Variants in PDZD2 observed in about 807,000 individuals in gnomAD.
The protein encoded by PDZD2 is PDZ domain-containing protein 2.
A neutral mutation model predicts 220.7 loss-of-function variants in PDZD2; 90 were observed. The ratio of observed to expected loss-of-function variants is 0.41; its 90% CI spans 0.34 to 0.49. PDZD2 has a LOEUF of 0.49. Among genes scored for constraint, PDZD2 ranks in the 20% least tolerant of loss-of-function variants. The probability of loss-of-function intolerance (pLI) is 0.28; values close to 1 mark genes in which losing one functional copy is unlikely to be tolerated. For missense variants in PDZD2, 3,174 were observed against 3,608.5 expected (o/e 0.88, Z 3.08); for synonymous variants, 1,375 against 1,450.5 (o/e 0.95, Z 1.18).
At chr5:31,791,680 A>T (rs1429008360) in intron 1 of PDZD2, among the ~76,000 whole-genome samples, 2 of 151,974 alleles carry the variant, frequency 1.3e-5, no homozygotes, top group East Asian at 3.9e-4. Flanking sequence ...TAGCTCCACA[A>T]CCTCAGTCAA....
intron 2 of PDZD2, among the ~76,000 whole-genome samples, chr5:31,905,424 A>G (rs959616044): frequency 2.0e-5 from 3 of 152,130 alleles, no homozygotes; most frequent in East Asian, 1.9e-4. Context: ...TCTACCTGCA[A>G]CCTGAGGATG....
intron 1 of PDZD2, among the ~76,000 whole-genome samples, chr5:31,709,033 A>T (rs911731376): frequency 6.6e-6 from 1 of 151,808 alleles, no homozygotes; most frequent in Non-Finnish European, 1.5e-5. Context: ...GATTACAGGC[A>T]CGCACCACCA....
intron 2 of PDZD2, among the ~76,000 whole-genome samples, chr5:31,933,971 T>C (rs1745513040): frequency 6.6e-6 from 1 of 152,202 alleles, no homozygotes; most frequent in South Asian, 2.1e-4. Flanking sequence ...GTGGCTCGTT[T>C]TGTGAGTAAA....
chr5:32,104,329 G>A (rs764440878), intron 24 of PDZD2, among the ~76,000 whole-genome samples: 1 of 151,886 alleles, frequency 6.6e-6, no homozygotes, highest in Non-Finnish European at 1.5e-5. Context: ...TTTGAGTAAG[G>A]TTATTACAGA....
chr5:31,739,021 G>A (rs1004857164), intron 1 of PDZD2, among the ~76,000 whole-genome samples: 29 of 152,104 alleles, frequency 1.9e-4, no homozygotes, highest in African/African-American at 4.8e-5. Context: ...GAGTAGCTGG[G>A]ACTACAGGTG....
chr5:31,837,245 C>G (rs1468419188), intron 2 of PDZD2, among the ~76,000 whole-genome samples: 1 of 152,028 alleles, frequency 6.6e-6, no homozygotes, highest in Non-Finnish European at 1.5e-5. Context: ...GTGAACTAGT[C>G]TCATACACAC....
chr5:31,831,774 C>T (rs1014652679), intron 2 of PDZD2, among the ~76,000 whole-genome samples: 8 of 149,110 alleles, frequency 5.4e-5, no homozygotes, highest in South Asian at 2.1e-4. Context: ...ATTAGCTGGG[C>T]GTGGTGGCGC....
chr5:31,835,324 AGT>A (rs1330894333), intron 2 of PDZD2, among the ~76,000 whole-genome samples: 3 of 152,116 alleles, frequency 2.0e-5, no homozygotes. Flanking sequence ...TGTTTTCAAA[AGT>A]GTTTCTTTTA....
chr5:31,918,944 T>C (rs1252329566), intron 2 of PDZD2, among the ~76,000 whole-genome samples: 1 of 152,228 alleles, frequency 6.6e-6, no homozygotes, highest in African/African-American at 2.4e-5. Context: ...TGGGAACCGC[T>C]GAGTGCTGAC....
At chr5:32,082,860 G>C (rs964751178) in intron 19 of PDZD2, among the ~76,000 whole-genome samples, 2 of 152,152 alleles carry the variant, frequency 1.3e-5, no homozygotes, top group Non-Finnish European at 2.9e-5. Flanking sequence ...GGCAGCAATT[G>C]ACTCTGTCTG....
At chr5:31,749,539 T>G (rs1750810105) in intron 1 of PDZD2, among the ~76,000 whole-genome samples, 1 of 151,894 alleles carries the variant, frequency 6.6e-6, no homozygotes, top group South Asian at 2.1e-4. Context: ...TTCTCCTGCC[T>G]CAGCTTCCCG....
intron 1 of PDZD2, among the ~76,000 whole-genome samples, chr5:31,752,588 T>C (rs1250180154): frequency 1.3e-5 from 2 of 151,972 alleles, no homozygotes; most frequent in African/African-American, 2.4e-5. Context: ...GGCGTTTTTT[T>C]TTCCCCCCCA....
At chr5:31,858,500 T>C (rs979517890) in intron 2 of PDZD2, among the ~76,000 whole-genome samples, 2 of 152,166 alleles carry the variant, frequency 1.3e-5, no homozygotes, top group Non-Finnish European at 2.9e-5. Flanking sequence ...AGGAACTTAG[T>C]TTATAGTTTA....
At chr5:31,936,417 G>C (rs957374107) in intron 2 of PDZD2, 15 of 837,466 alleles carry the variant, frequency 1.8e-5, no homozygotes, top group Middle Eastern at 5.7e-4. Flanking sequence ...GGTCTTCCAA[G>C]GGTTTATTAT....
At chr5:31,644,309 G>A (rs1161389580) in intron 1 of PDZD2, among the ~76,000 whole-genome samples, 1 of 152,142 alleles carries the variant, frequency 6.6e-6, no homozygotes, top group Non-Finnish European at 1.5e-5. Context: ...TTTAGAAATA[G>A]AGAAAAGATG....
At chr5:31,857,160 A>G (rs1164853107) in intron 2 of PDZD2, among the ~76,000 whole-genome samples, 1 of 151,762 alleles carries the variant, frequency 6.6e-6, no homozygotes, top group Non-Finnish European at 1.5e-5. Flanking sequence ...CTCAACTTCC[A>G]CTTCTGTGCC....
rs139988294 is a variant in PDZD2, at chr5:31,686,792, C to T, written c.-361+47355C>T. ...ATGGTTTTCCATTATATTTTTCAAA[C>T]TTATTTTTGCATATATTACAATTAA... On this transcript the variant is annotated intron_variant, in intron 1 of 24. Transcript: ENST00000438447. Among the ~76,000 whole-genome samples the T allele has an allele frequency of 1.5e-3, 221 of 152,232 alleles. 1 individual carries two copies. Among genetic ancestry groups the T allele is most frequent in the African/African-American group, 5.2e-3 (217 of 41,550 alleles).
intron 2 of PDZD2, among the ~76,000 whole-genome samples, chr5:31,919,707 G>GGA (rs1554006697): frequency 4.6e-5 from 6 of 129,588 alleles, no homozygotes; most frequent in Non-Finnish European, 9.4e-5. Flanking sequence ...AATTGATAAA[G>GGA]AAAAAAAAAA....
intron 2 of PDZD2, among the ~76,000 whole-genome samples, chr5:31,855,352 G>C (rs544177067): frequency 6.6e-6 from 1 of 152,258 alleles, no homozygotes; most frequent in African/African-American, 2.4e-5. Flanking sequence ...TTAAAGTGGG[G>C]GATTTGCGTG....
Sources: gnomAD v4.1 joint callset for allele counts (sites outside exome capture counted in the v4.1 genomes callset) on GRCh38, gnomAD v4.1.1 for gene constraint, MANE v1.5 for transcripts, NCBI Gene and HGNC (gene_info 2026-07-23, HGNC 2026-07-21) for gene names.